MAP7D2: variants seen among roughly 807,000 people sequenced by gnomAD.
MAP7D2 encodes MAP7 domain-containing protein 2.
In MAP7D2, 33 loss-of-function variants were observed where a neutral mutation model predicts 63.5. The observed-to-expected ratio is 0.52, with a 90% confidence interval of 0.39 to 0.70. MAP7D2 has a LOEUF of 0.70. MAP7D2 is among the 30% of genes least tolerant of loss of function. MAP7D2 has a pLI of 0.00. For synonymous variants in MAP7D2, 224 were observed against 223.7 expected (o/e 1.00, Z -0.01); for missense variants, 626 against 604.0 (o/e 1.04, Z -0.38).
intron 8 of MAP7D2, among the ~76,000 whole-genome samples, chrX:20,039,456 G>A (rs190740723): frequency 3.6e-5 from 4 of 112,128 alleles, no homozygotes; most frequent in East Asian, 2.8e-4. Flanking sequence ...GCGTAATTAC[G>A]ACCTTATTAT....
intron 1 of MAP7D2, among the ~76,000 whole-genome samples, chrX:20,072,613 G>T (rs750764576): frequency 7.2e-5 from 8 of 111,251 alleles, no homozygotes; most frequent in African/African-American, 2.0e-4. Context: ...GGGATTGGAG[G>T]ATCCCACCCA....
chrX:20,041,865 C>T (rs1248488629), intron 8 of MAP7D2, among the ~76,000 whole-genome samples: 1 of 111,251 alleles, frequency 9.0e-6, no homozygotes, highest in Admixed American at 9.6e-5. Context: ...TACCTAGTTC[C>T]TAACAAAAAT....
rs1414084923 is a variant in MAP7D2, at chrX:20,025,822, T to A, written c.1138A>T (p.Ser380Cys). ...MPKRKAEKEK[S>C]NKEREGTLAQ... The stretch of plus-strand genomic sequence containing the variant: ...AAGGTACCTTCCCTTTCCTTGTTGC[T>A]CTTCTCTTTCTCCGCTTTCCTCTTG... The change falls in exon 9 of 17, where the codon AGC (serine) becomes TGC (cysteine). Residue 380 changes from serine (S) to cysteine (C), a missense_variant. Ser to Cys is a moderately radical substitution (Grantham distance 112). Transcript: ENST00000379643. 2 of 1,211,876 alleles carry A rather than the reference T, an allele frequency of 1.7e-6. No homozygotes were observed. The highest frequency in any genetic ancestry group is 4.3e-5 in the Admixed American group (2 of 46,017).
At chrX:20,074,840 C>T (rs1404075095) in intron 1 of MAP7D2, among the ~76,000 whole-genome samples, 1 of 111,183 alleles carries the variant, frequency 9.0e-6, no homozygotes, top group Non-Finnish European at 1.9e-5. Context: ...CACCTGAGGT[C>T]AGGAGTTCAA....
intron 8 of MAP7D2, among the ~76,000 whole-genome samples, chrX:20,039,522 G>A (rs2064591616): frequency 8.9e-6 from 1 of 111,773 alleles, no homozygotes; most frequent in Admixed American, 9.5e-5. Flanking sequence ...GGTTCAAGTC[G>A]ACAAGAGGTG....
chrX:20,051,021 A>G (rs1198703492), intron 5 of MAP7D2, 75 bp from the exon 6 acceptor site: 10 of 873,121 alleles, frequency 1.1e-5, no homozygotes, highest in Non-Finnish European at 1.2e-5. Context: ...TAAACAACAC[A>G]ATGCATGGTG....
At chrX:20,106,428 A>G (rs2066568761) in intron 1 of MAP7D2, among the ~76,000 whole-genome samples, 1 of 112,242 alleles carries the variant, frequency 8.9e-6, no homozygotes, top group African/African-American at 3.2e-5. Flanking sequence ...TTTCCTCTAC[A>G]TTCATGAAGA....
intron 1 of MAP7D2, among the ~76,000 whole-genome samples, chrX:20,111,863 T>C (rs1011326838): frequency 1.8e-5 from 2 of 111,852 alleles, no homozygotes; most frequent in African/African-American, 6.5e-5. Context: ...CTCGACCTCA[T>C]GGGCTTAAGC....
intron 1 of MAP7D2, among the ~76,000 whole-genome samples, chrX:20,094,518 A>G (rs867188391): frequency 0.026 from 149 of 5,768 alleles, 14 homozygotes; most frequent in Admixed American, 0.12. Context: ...ATATATATGT[A>G]TATATATATA....
chrX:20,113,999 C>T (rs2066820840), intron 1 of MAP7D2, among the ~76,000 whole-genome samples: 1 of 111,629 alleles, frequency 9.0e-6, no homozygotes, highest in Admixed American at 9.5e-5. Context: ...TCGCAGTCTC[C>T]AATAACCACC....
intron 1 of MAP7D2, among the ~76,000 whole-genome samples, chrX:20,084,453 G>C (rs1461171990): frequency 9.0e-6 from 1 of 111,349 alleles, no homozygotes; most frequent in African/African-American, 3.3e-5. Context: ...CAATCGCAGA[G>C]AATTAGTAAA....
At chrX:20,055,074 A>G (rs1416363876) in intron 4 of MAP7D2, among the ~76,000 whole-genome samples, 5 of 92,511 alleles carry the variant, frequency 5.4e-5, no homozygotes, top group Non-Finnish European at 1.0e-4. Flanking sequence ...TCCCTTTTAC[A>G]GCTTTTTTTT....
chrX:20,045,508 C>T (rs1279608264), intron 6 of MAP7D2, among the ~76,000 whole-genome samples: 1 of 66,600 alleles, frequency 1.5e-5, no homozygotes. Flanking sequence ...ACCTGGGTGA[C>T]AGAGAAAGAC....
chrX:20,060,496 G>A (rs1357525388), intron 3 of MAP7D2, among the ~76,000 whole-genome samples: 2 of 109,357 alleles, frequency 1.8e-5, no homozygotes, highest in African/African-American at 6.7e-5. Flanking sequence ...GAAAGAGAAA[G>A]AGGCCTTTCT....
chrX:20,019,745 TG>T (rs933601223), intron 10 of MAP7D2, among the ~76,000 whole-genome samples: 2 of 112,294 alleles, frequency 1.8e-5, no homozygotes, highest in Non-Finnish European at 3.8e-5. Flanking sequence ...TTTTCTCTCC[TG>T]ACCTGCCCTG....
chrX:20,057,862 G>C (rs2065104768), intron 3 of MAP7D2, among the ~76,000 whole-genome samples: 1 of 112,402 alleles, frequency 8.9e-6, no homozygotes, highest in Non-Finnish European at 1.9e-5. Context: ...GATCAGGAAA[G>C]GCTCCTTTAT....
intron 8 of MAP7D2, among the ~76,000 whole-genome samples, chrX:20,027,982 GAC>G (rs1347706272): frequency 1.8e-5 from 2 of 110,674 alleles, no homozygotes; most frequent in Non-Finnish European, 3.8e-5. Flanking sequence ...CATGTGTTCT[GAC>G]ACAGTCAGAC....
chrX:20,085,284 G>A (rs1280893146), intron 1 of MAP7D2, among the ~76,000 whole-genome samples: 1 of 112,230 alleles, frequency 8.9e-6, no homozygotes, highest in African/African-American at 3.2e-5. Context: ...GATGGAAACA[G>A]CTTTGATACT....
At chrX:20,054,583 CTTTCT>C (rs2065026739) in intron 4 of MAP7D2, among the ~76,000 whole-genome samples, 2 of 110,542 alleles carry the variant, frequency 1.8e-5, no homozygotes, top group Non-Finnish European at 3.8e-5. Flanking sequence ...CTCTCTGCAC[CTTTCT>C]TTTTTCTTTT....
Sources: allele counts gnomAD v4.1 joint callset (sites outside exome capture counted in the v4.1 genomes callset), GRCh38; gene constraint gnomAD v4.1.1; transcripts MANE v1.5; gene names NCBI Gene and HGNC (gene_info 2026-07-23, HGNC 2026-07-21).